FAR2: variants seen among roughly 807,000 people sequenced by gnomAD.
FAR2 encodes fatty acyl-CoA reductase 2.
Under a neutral mutation model 56.0 loss-of-function variants are expected in FAR2, and 19 were observed. The ratio of observed to expected loss-of-function variants is 0.34; its 90% CI spans 0.24 to 0.50. The LOEUF (loss-of-function observed/expected upper bound fraction) is 0.50, where lower values mean the gene tolerates loss of function less well. FAR2 is among the 20% of genes least tolerant of loss of function. The pLI, the probability that FAR2 is intolerant of heterozygous loss-of-function variation, is 0.98. For missense variants in FAR2, 508 were observed against 642.2 expected (o/e 0.79, Z 2.26); for synonymous variants, 219 against 218.8 (o/e 1.00, Z -0.01).
At chr12:29,167,070 C>G (rs1425877177) in intron 1 of FAR2, among the ~76,000 whole-genome samples, 1 of 152,014 alleles carries the variant, frequency 6.6e-6, no homozygotes, top group Non-Finnish European at 1.5e-5. Flanking sequence ...TCGATTTTTC[C>G]TGCTCCAACC....
chr12:29,307,921 C>G, intron 5 of FAR2, 86 bp downstream of exon 5: 2 of 1,374,526 alleles, frequency 1.5e-6, no homozygotes, highest in Non-Finnish European at 2.0e-6. Flanking sequence ...TTCTTCTTCT[C>G]CTCCTCAGGA....
intron 1 of FAR2, among the ~76,000 whole-genome samples, chr12:29,182,883 C>T (rs1048694298): frequency 6.6e-6 from 1 of 151,810 alleles, no homozygotes; most frequent in Non-Finnish European, 1.5e-5. Context: ...AGAGCTATTG[C>T]TCATCTCTGC....
At chr12:29,304,146 G>T (rs988168443) in intron 4 of FAR2, among the ~76,000 whole-genome samples, 1 of 152,178 alleles carries the variant, frequency 6.6e-6, no homozygotes, top group Non-Finnish European at 1.5e-5. Context: ...TGCTCTAAAA[G>T]ATAACCCCTT....
intron 1 of FAR2, among the ~76,000 whole-genome samples, chr12:29,265,415 A>T (rs1465036091): frequency 6.6e-6 from 1 of 152,226 alleles, no homozygotes; most frequent in East Asian, 1.9e-4. Flanking sequence ...TGCCGAGAAC[A>T]TACATTGGGG....
chr12:29,250,081 G>T (rs1048229154), intron 1 of FAR2, among the ~76,000 whole-genome samples: 1 of 152,112 alleles, frequency 6.6e-6, no homozygotes, highest in African/African-American at 2.4e-5. Context: ...TTCATTCATT[G>T]ATTCAACAAT....
chr12:29,202,840 G>A (rs748151454), intron 1 of FAR2, among the ~76,000 whole-genome samples: 7 of 152,136 alleles, frequency 4.6e-5, no homozygotes, highest in African/African-American at 7.2e-5. Context: ...CTTCCTGTTT[G>A]GCCTGCAAAA....
chr12:29,334,107 G>A lies in FAR2; in HGVS notation c.*313G>A. ...TATTTAGTTTTTCTTTTCTCTCTGA[G>A]ATGATTCATTTAAACTCAGTAAATA... is the stretch of plus-strand genomic sequence containing the variant. On this transcript the variant is annotated 3_prime_UTR_variant, in exon 12 of 12. Coordinates refer to ENST00000536681, the MANE Select transcript of FAR2 (RefSeq NM_001271783.2). 5.0e-6 allele frequency: 1 copy of A among 199,640 alleles called. No homozygotes were observed. Among genetic ancestry groups the A allele is most frequent in the South Asian group, 1.2e-4 (1 of 8,648 alleles). The allele number at this position is 199,640 out of a possible 1,614,324, so 12.4% of individuals were successfully genotyped here. A position where few individuals can be genotyped will look rare whatever the true frequency, so the allele number is the denominator to read the frequency against.
intron 1 of FAR2, among the ~76,000 whole-genome samples, chr12:29,211,963 T>C (rs1947554689): frequency 6.6e-6 from 1 of 150,882 alleles, no homozygotes; most frequent in Non-Finnish European, 1.5e-5. Flanking sequence ...GAAGTTTTGC[T>C]GTCATGAGCC....
chr12:29,211,239 G>A lies in FAR2; in HGVS notation c.-38-59173G>A, dbSNP rs142239363. On this transcript the variant is annotated intron_variant, in intron 1 of 11. Transcript: ENST00000536681. ...CTGGGAAGCGGAGGTTGTAGTGACC[G>A]GAGATCACGCCACTGCACTCCGGCC... is the stretch of plus-strand genomic sequence containing the variant. 2.0e-3 allele frequency among the ~76,000 whole-genome samples: 299 copies of A among 152,056 alleles called. 1 individual carries two copies. The highest frequency in any genetic ancestry group is 7.3e-3 in the South Asian group (35 of 4,814).
intron 1 of FAR2, among the ~76,000 whole-genome samples, chr12:29,211,235 G>A (rs1450067785): frequency 6.6e-6 from 1 of 152,028 alleles, no homozygotes. Flanking sequence ...AGGTTGTAGT[G>A]ACCGGAGATC....
intron 10 of FAR2, among the ~76,000 whole-genome samples, chr12:29,323,167 G>A (rs148856991): frequency 0.069 from 10,437 of 152,320 alleles, 414 homozygotes; most frequent in South Asian, 0.11. Context: ...AGCAGTCTGA[G>A]ATCAAACTGC....
intron 1 of FAR2, among the ~76,000 whole-genome samples, chr12:29,189,115 A>AG (rs1565686342): frequency 6.6e-6 from 1 of 152,088 alleles, no homozygotes; most frequent in African/African-American, 2.4e-5. Context: ...TTCAAGGAGA[A>AG]GGGGGAAAGG....
chr12:29,187,083 C>T (rs193083436), intron 1 of FAR2, among the ~76,000 whole-genome samples: 527 of 152,270 alleles, frequency 3.5e-3, no homozygotes, highest in African/African-American at 0.012. Context: ...CCACTGCGCC[C>T]GGCCCGGCTT....
intron 1 of FAR2, among the ~76,000 whole-genome samples, chr12:29,238,171 T>A (rs1947969392): frequency 6.6e-6 from 1 of 152,038 alleles, no homozygotes; most frequent in Non-Finnish European, 1.5e-5. Flanking sequence ...AAAGGCTTTT[T>A]AAAATACTCC....
chr12:29,218,881 TTTTATTTATTTA>T (rs58268149), intron 1 of FAR2, among the ~76,000 whole-genome samples: 4 of 151,130 alleles, frequency 2.6e-5, no homozygotes, highest in Non-Finnish European at 4.4e-5. Context: ...CGTGTTAGAA[TTTTATTTATTTA>T]TTTATTTATT....
chr12:29,229,792 T>A (rs1049360185), intron 1 of FAR2, among the ~76,000 whole-genome samples: 2 of 151,966 alleles, frequency 1.3e-5, no homozygotes, highest in African/African-American at 4.8e-5. Context: ...AAAGAGTATA[T>A]GGAAAGGGCT....
intron 2 of FAR2, among the ~76,000 whole-genome samples, chr12:29,286,294 C>T (rs1948876011): frequency 6.6e-6 from 1 of 152,162 alleles, no homozygotes; most frequent in Non-Finnish European, 1.5e-5. Context: ...GTTGTCATCT[C>T]TCCAAGGTTA....
chr12:29,221,351 T>A (rs1947687970), intron 1 of FAR2, among the ~76,000 whole-genome samples: 1 of 152,076 alleles, frequency 6.6e-6, no homozygotes, highest in Admixed American at 6.5e-5. Context: ...ACATTCCTGG[T>A]CGGGGCGGGG....
intron 1 of FAR2, among the ~76,000 whole-genome samples, chr12:29,153,535 C>T (rs1949698104): frequency 6.6e-6 from 1 of 152,164 alleles, no homozygotes; most frequent in Non-Finnish European, 1.5e-5. Context: ...CCCAAATTCA[C>T]AGGTGTTGAT....
Sources: allele counts gnomAD v4.1 joint callset (sites outside exome capture counted in the v4.1 genomes callset), GRCh38; gene constraint gnomAD v4.1.1; transcripts MANE v1.5; gene names NCBI Gene and HGNC (gene_info 2026-07-23, HGNC 2026-07-21).